Variants in GRID2 observed in about 807,000 individuals in gnomAD.
The protein encoded by GRID2 is glutamate ionotropic receptor delta type subunit 2.
In GRID2, 33 loss-of-function variants were observed where a neutral mutation model predicts 114.8. The ratio of observed to expected loss-of-function variants is 0.29; its 90% CI spans 0.22 to 0.38. GRID2 has a LOEUF of 0.38. Ranked by LOEUF, GRID2 falls within the 10% of genes least tolerant of loss-of-function variation. The pLI is 1.00. For missense variants in GRID2, 1,184 were observed against 1,257.7 expected (o/e 0.94, Z 0.89); for synonymous variants, 505 against 449.9 (o/e 1.12, Z -1.55).
intron 2 of GRID2, among the ~76,000 whole-genome samples, chr4:92,991,009 C>G (rs1324060521): frequency 6.6e-6 from 1 of 152,154 alleles, no homozygotes; most frequent in African/African-American, 2.4e-5. Context: ...TCTTGAATGT[C>G]AGCTCAATAT....
intron 2 of GRID2, among the ~76,000 whole-genome samples, chr4:92,817,236 C>T (rs531606906): frequency 2.0e-5 from 3 of 152,004 alleles, no homozygotes; most frequent in African/African-American, 7.2e-5. Flanking sequence ...ATATTTTTTT[C>T]TTATTTGGCT....
At chr4:92,896,498 A>G (rs1293702799) in intron 2 of GRID2, among the ~76,000 whole-genome samples, 1 of 151,722 alleles carries the variant, frequency 6.6e-6, no homozygotes, top group African/African-American at 2.4e-5. Flanking sequence ...ACCTGATCAT[A>G]TATATCTATC....
chr4:92,965,450 T>TAAAAAAAAAAAAAAA lies in GRID2; in HGVS notation c.245-119520_245-119506dup, dbSNP rs869285420. Among the ~76,000 whole-genome samples the TAAAAAAAAAAAAAAA allele has an allele frequency of 6.9e-4, 59 of 85,768 alleles. 4 individuals are homozygous for TAAAAAAAAAAAAAAA. Among genetic ancestry groups the TAAAAAAAAAAAAAAA allele is most frequent in the Middle Eastern group, 5.1e-3 (1 of 196 alleles). 56.3% of individuals were successfully genotyped at this position (85,768 alleles called of 152,430 possible). On this transcript the variant is annotated intron_variant, in intron 2 of 15. Transcript: ENST00000282020. ...AGGGTTGCCATAAACATTCAATTTG[T>TAAAAAAAAAAAAAAA]AAAAAAAAAAAAAAAAAAAAAAAAA...
chr4:92,982,042 A>G (rs995171484), intron 2 of GRID2, among the ~76,000 whole-genome samples: 6 of 112,626 alleles, frequency 5.3e-5, no homozygotes, highest in East Asian at 3.6e-4. Context: ...AAAAAAAAAA[A>G]AAAGAAAAAG....
intron 12 of GRID2, among the ~76,000 whole-genome samples, chr4:93,510,222 G>T (rs886664727): frequency 1.3e-5 from 2 of 152,136 alleles, no homozygotes; most frequent in African/African-American, 4.8e-5. Context: ...AATGGGATTA[G>T]ACTTAAAATT....
chr4:92,403,648 C>A (rs555109126), intron 1 of GRID2, among the ~76,000 whole-genome samples: 1 of 150,968 alleles, frequency 6.6e-6, no homozygotes, highest in African/African-American at 2.4e-5. Flanking sequence ...GCAGAGATTG[C>A]GCCACTGTAC....
At chr4:93,798,172 A>T (rs1407660782) in intron 1 of GRID2, among the ~76,000 whole-genome samples, 1 of 152,020 alleles carries the variant, frequency 6.6e-6, no homozygotes, top group Non-Finnish European at 1.5e-5. Context: ...AAAAAATAAA[A>T]AATAAAAAGA....
intron 14 of GRID2, among the ~76,000 whole-genome samples, chr4:93,661,553 C>A (rs1723492093): frequency 6.6e-6 from 1 of 152,108 alleles, no homozygotes; most frequent in African/African-American, 2.4e-5. Flanking sequence ...AATGTTTGTG[C>A]ATCCACAATA....
At chr4:93,698,695 A>C (rs114335186) in intron 14 of GRID2, among the ~76,000 whole-genome samples, 6,251 of 152,166 alleles carry the variant, frequency 0.041, 198 homozygotes, top group African/African-American at 0.081. Flanking sequence ...TGAATATTTT[A>C]TTTTTACATT....
chr4:93,292,063 T>C (rs931204082), intron 8 of GRID2, among the ~76,000 whole-genome samples: 1 of 152,232 alleles, frequency 6.6e-6, no homozygotes, highest in Non-Finnish European at 1.5e-5. Flanking sequence ...ATAAGTCACT[T>C]ATTCCACAAG....
At chr4:93,254,051 A>C (rs1749285647) in intron 8 of GRID2, among the ~76,000 whole-genome samples, 11 of 152,082 alleles carry the variant, frequency 7.2e-5, no homozygotes. Context: ...AGTTATATAG[A>C]AAGCTGAGTT....
chr4:93,654,789 A>G (rs1722864754), intron 14 of GRID2, among the ~76,000 whole-genome samples: 1 of 152,138 alleles, frequency 6.6e-6, no homozygotes, highest in Admixed American at 6.5e-5. Flanking sequence ...CCACTGCCCC[A>G]GTGTCAGTGA....
intron 2 of GRID2, among the ~76,000 whole-genome samples, chr4:92,986,697 A>C (rs1356437473): frequency 6.6e-6 from 1 of 152,176 alleles, no homozygotes; most frequent in East Asian, 1.9e-4. Context: ...CTGTAAGTCT[A>C]AAATTATTTC....
chr4:93,234,331 T>C (rs985569607), intron 7 of GRID2, among the ~76,000 whole-genome samples: 2 of 152,056 alleles, frequency 1.3e-5, no homozygotes, highest in African/African-American at 4.8e-5. Flanking sequence ...ATATATAATA[T>C]GTTATATTGA....
At chr4:93,301,736 T>C (rs980589223) in intron 8 of GRID2, among the ~76,000 whole-genome samples, 1 of 152,216 alleles carries the variant, frequency 6.6e-6, no homozygotes, top group African/African-American at 2.4e-5. Context: ...AGTTATTTAA[T>C]ATATTTACAA....
chr4:93,681,775 T>C (rs1192844030), intron 14 of GRID2, among the ~76,000 whole-genome samples: 1 of 152,190 alleles, frequency 6.6e-6, no homozygotes, highest in Non-Finnish European at 1.5e-5. Context: ...ATACAAAAAT[T>C]AATTCAAGTT....
chr4:93,172,309 T>A (rs1167278011), intron 4 of GRID2, among the ~76,000 whole-genome samples: 1 of 152,074 alleles, frequency 6.6e-6, no homozygotes, highest in African/African-American at 2.4e-5. Context: ...ATAATGAGAA[T>A]TGGCCAGGCG....
At chr4:92,311,469 A>G (rs1000857565) in intron 1 of GRID2, among the ~76,000 whole-genome samples, 3 of 152,226 alleles carry the variant, frequency 2.0e-5, no homozygotes, top group African/African-American at 7.2e-5. Context: ...ATGGTCTTAA[A>G]TATTCTTAAA....
chr4:92,537,784 G>GGTGTGTGTGTGTGT (rs70942907), intron 1 of GRID2, among the ~76,000 whole-genome samples: 11 of 125,934 alleles, frequency 8.7e-5, no homozygotes, highest in Non-Finnish European at 1.4e-4. Context: ...AAAAACTTGC[G>GGTGTGTGTGTGTGT]GTGTGTGTGT....
Sources: allele counts gnomAD v4.1 joint callset (sites outside exome capture counted in the v4.1 genomes callset), GRCh38; gene constraint gnomAD v4.1.1; transcripts MANE v1.5; gene names NCBI Gene and HGNC (gene_info 2026-07-23, HGNC 2026-07-21).